The following ANKRD36C variants were observed in gnomAD, a reference collection of about 807,000 sequenced individuals.
The protein encoded by ANKRD36C is ankyrin repeat domain 36C.
In ANKRD36C, 61 loss-of-function variants were observed where a neutral mutation model predicts 276.4. That is an observed-to-expected ratio of 0.22 (90% CI 0.18 to 0.27). ANKRD36C has a LOEUF of 0.27. Ranked by LOEUF, ANKRD36C falls within the 10% of genes least tolerant of loss-of-function variation. The pLI is 1.00. For synonymous variants in ANKRD36C, 483 were observed against 680.1 expected, an observed-to-expected ratio of 0.71 and a Z score of 4.51; for missense variants, 1,447 against 2,032.3, an observed-to-expected ratio of 0.71 and a Z score of 5.54.
At chr2:95,890,306 A>C (rs1411283445) in intron 46 of ANKRD36C, among the ~76,000 whole-genome samples, 1 of 151,568 alleles carries the variant, frequency 6.6e-6, no homozygotes, top group Non-Finnish European at 1.5e-5. Flanking sequence ...AAATCAGGGG[A>C]GCAATTCATA....
intron 24 of ANKRD36C, among the ~76,000 whole-genome samples, chr2:95,931,049 T>C (rs1209209883): frequency 1.3e-5 from 2 of 151,724 alleles, no homozygotes; most frequent in African/African-American, 2.4e-5. Context: ...TACATTCTTT[T>C]TTGTTCATAA....
At chr2:95,970,764 T>C (rs1284247803) in intron 6 of ANKRD36C, among the ~76,000 whole-genome samples, 2 of 152,328 alleles carry the variant, frequency 1.3e-5, no homozygotes, top group South Asian at 4.1e-4. Context: ...TAGCTGGTCT[T>C]ATTTCCAACT....
At chr2:95,918,520 G>T (rs1677176809) in intron 34 of ANKRD36C, among the ~76,000 whole-genome samples, 1 of 151,638 alleles carries the variant, frequency 6.6e-6, no homozygotes, top group African/African-American at 2.4e-5. Context: ...TGACACTTCA[G>T]TTGAACATAC....
At chr2:95,936,703 T>C (rs1677728289) in intron 22 of ANKRD36C, among the ~76,000 whole-genome samples, 1 of 152,120 alleles carries the variant, frequency 6.6e-6, no homozygotes, top group South Asian at 2.1e-4. Context: ...GTACTCTTTT[T>C]TGTTGATAAA....
chr2:95,859,989 A>C (rs1573722452), exon 61 of ANKRD36C: 2 of 1,549,250 alleles, frequency 1.3e-6, no homozygotes, highest in South Asian at 2.4e-5. Flanking sequence ...TTTTTACTCT[A>C]AGTTGCTCAC....
At chr2:95,883,327 T>A (rs556584647) in intron 54 of ANKRD36C, among the ~76,000 whole-genome samples, 65 of 152,150 alleles carry the variant, frequency 4.3e-4, no homozygotes, top group Non-Finnish European at 8.1e-4. Context: ...AATTAATGAA[T>A]TCAAATTAAT....
intron 42 of ANKRD36C, 133 bp from the exon 45 acceptor site, chr2:95,910,701 G>C: frequency 6.6e-7 from 1 of 1,504,380 alleles, no homozygotes. Flanking sequence ...TCTACTTTGT[G>C]TCTGGGGACT....
intron 1 of ANKRD36C, among the ~76,000 whole-genome samples, chr2:95,988,280 T>C (rs1214406695): frequency 1.3e-5 from 2 of 151,898 alleles, no homozygotes; most frequent in African/African-American, 2.4e-5. Context: ...ACTTACAGAA[T>C]GTTATGTAAA....
chr2:95,869,611 CCA>C (rs1675757148), intron 59 of ANKRD36C, among the ~76,000 whole-genome samples: 1 of 152,206 alleles, frequency 6.6e-6, no homozygotes, highest in African/African-American at 2.4e-5. Flanking sequence ...TTCTGCATTT[CCA>C]TCTGAGGTAC....
chr2:95,925,424 C>A (rs549483357), exon 30 of ANKRD36C: 171 of 1,553,548 alleles, frequency 1.1e-4, no homozygotes, highest in Admixed American at 1.0e-3. Flanking sequence ...TTAAATATAA[C>A]CTGAATGGAA....
At chr2:95,986,755 C>T in exon 3 of ANKRD36C, 2 of 1,611,278 alleles carry the variant, frequency 1.2e-6, no homozygotes, top group Non-Finnish European at 1.7e-6. Flanking sequence ...CTATACCTCG[C>T]TGCATTCTTC....
At position 95,892,415 on chromosome 2, in the gene ANKRD36C, G is replaced by A. The variant is rs115772632; in HGVS notation, c.2756-555C>T. 3.2e-3 allele frequency among the ~76,000 whole-genome samples: 492 copies of A among 151,530 alleles called. 3 individuals carry two copies. Among genetic ancestry groups the A allele is most frequent in the African/African-American group, 0.011 (474 of 41,442 alleles). Reference sequence around the variant, plus strand: ...TTGGATATCTGTTTAATGATACCTCGTAGATAATATTCATTATCTCTCACA... The same window carrying A: ...TTGGATATCTGTTTAATGATACCTCATAGATAATATTCATTATCTCTCACA... On this transcript the variant is annotated intron_variant, in intron 44 of 66. Coordinates refer to ENST00000456556, the Ensembl canonical transcript of ANKRD36C.
At chr2:95,854,425 T>C (rs13424445) in intron 63 of ANKRD36C, among the ~76,000 whole-genome samples, 3 of 151,954 alleles carry the variant, frequency 2.0e-5, no homozygotes, top group Non-Finnish European at 4.4e-5. Context: ...ATCCTGCCAC[T>C]CCTCGTTAGT....
At chr2:95,917,791 CA>C in intron 36 of ANKRD36C, 63 bp downstream of exon 38, 1 of 1,537,274 alleles carries the variant, frequency 6.5e-7, no homozygotes, top group East Asian at 2.4e-5. Context: ...CTGATTTATT[CA>C]GGGTAGAGAA....
chr2:95,967,824 A>C (rs1221709622), intron 6 of ANKRD36C, among the ~76,000 whole-genome samples: 1 of 152,158 alleles, frequency 6.6e-6, no homozygotes, highest in Non-Finnish European at 1.5e-5. Context: ...ACAGTGGCTC[A>C]TGCCTGTGAT....
At chr2:95,861,053 C>G (rs1675566645) in intron 60 of ANKRD36C, among the ~76,000 whole-genome samples, 1 of 152,158 alleles carries the variant, frequency 6.6e-6, no homozygotes, top group African/African-American at 2.4e-5. Context: ...CCACATACTT[C>G]ACAGGACAAT....
chr2:95,938,245 A>G (rs1156496944), intron 22 of ANKRD36C, among the ~76,000 whole-genome samples: 1 of 152,306 alleles, frequency 6.6e-6, no homozygotes, highest in East Asian at 1.9e-4. Flanking sequence ...GTAGTAGAAG[A>G]AAATATTCTA....
chr2:95,915,583 T>C (rs998638730), intron 38 of ANKRD36C, among the ~76,000 whole-genome samples: 13 of 151,642 alleles, frequency 8.6e-5, no homozygotes, highest in African/African-American at 2.9e-4. Flanking sequence ...CCTTCTACAG[T>C]GTCTACCGGT....
chr2:95,989,321 A>G (rs1397179043), intron 1 of ANKRD36C, among the ~76,000 whole-genome samples: 1 of 152,254 alleles, frequency 6.6e-6, no homozygotes, highest in African/African-American at 2.4e-5. Flanking sequence ...GATCATTTAT[A>G]CATCACGGAT....
Sources: gnomAD v4.1 joint callset for allele counts (sites outside exome capture counted in the v4.1 genomes callset) on GRCh38, gnomAD v4.1.1 for gene constraint, MANE v1.5 for transcripts, NCBI Gene and HGNC (gene_info 2026-07-23, HGNC 2026-07-21) for gene names.